The following ELP3 variants were observed in gnomAD, a reference collection of about 807,000 sequenced individuals.
ELP3 encodes elongator acetyltransferase complex subunit 3, also known as elongator complex protein 3.
Under a neutral mutation model 74.9 loss-of-function variants are expected in ELP3, and 56 were observed. That is an observed-to-expected ratio of 0.75 (90% confidence interval 0.60 to 0.93). ELP3 has a LOEUF of 0.93. ELP3 is among the 40% of genes least tolerant of loss of function. ELP3 has a pLI of 0.00. For missense variants in ELP3, 573 were observed against 686.5 expected, an observed-to-expected ratio of 0.83 and a Z score of 1.85; for synonymous variants, 222 against 239.8, an observed-to-expected ratio of 0.93 and a Z score of 0.68.
In ELP3 at chr8:28,183,772, G is replaced by A. The variant is rs372806298; in HGVS notation, c.1568-5877G>A. Reference sequence around the variant, plus strand: ...CTCTGTAGCAGGGCACCCTGAGGCCGCTGCATGGAGTGAGTTCCTGCACAT... The same window carrying A: ...CTCTGTAGCAGGGCACCCTGAGGCCACTGCATGGAGTGAGTTCCTGCACAT... On this transcript the variant is annotated intron_variant, in intron 14 of 14. Transcript: ENST00000256398. Among the ~76,000 whole-genome samples the A allele has an allele frequency of 7.2e-5, 11 of 152,330 alleles. No individual in the cohort carries two copies. The South Asian group carries it at 1.9e-3, about 26-fold the overall frequency.
At chr8:28,144,547 G>A (rs1042807451) in intron 10 of ELP3, among the ~76,000 whole-genome samples, 9 of 152,312 alleles carry the variant, frequency 5.9e-5, no homozygotes, top group Non-Finnish European at 1.2e-4. Flanking sequence ...TTGAGCCTGG[G>A]AGGTTGAGGC....
intron 10 of ELP3, among the ~76,000 whole-genome samples, chr8:28,143,897 A>G (rs1010422713): frequency 2.6e-5 from 4 of 152,224 alleles, no homozygotes; most frequent in African/African-American, 9.6e-5. Flanking sequence ...TGCTATGAAT[A>G]TTGATATGGC....
At chr8:28,180,552 C>G (rs1301814422) in intron 14 of ELP3, among the ~76,000 whole-genome samples, 1 of 152,228 alleles carries the variant, frequency 6.6e-6, no homozygotes. Context: ...GATGTCACAT[C>G]TGGAGTCTCT....
chr8:28,186,972 T>C (rs1180605093), intron 14 of ELP3, among the ~76,000 whole-genome samples: 1 of 152,170 alleles, frequency 6.6e-6, no homozygotes, highest in East Asian at 1.9e-4. Flanking sequence ...GTCTTCAGCA[T>C]CTTGGCATGA....
chr8:28,091,007 C>T (rs994920526), upstream of ELP3, among the ~76,000 whole-genome samples: 27 of 149,982 alleles, frequency 1.8e-4, no homozygotes, highest in Non-Finnish European at 2.5e-4. Context: ...CCCGGGTTCA[C>T]GCCATTCTCC....
chr8:28,114,649 C>T (rs758038608), intron 7 of ELP3, among the ~76,000 whole-genome samples: 5 of 152,198 alleles, frequency 3.3e-5, no homozygotes, highest in Non-Finnish European at 4.4e-5. Context: ...CCAGGCCACA[C>T]CTCCAATATT....
chr8:28,127,637 T>C (rs1340434935), intron 7 of ELP3, among the ~76,000 whole-genome samples: 1 of 152,196 alleles, frequency 6.6e-6, no homozygotes, highest in African/African-American at 2.4e-5. Context: ...TGTTACTGCG[T>C]GCCTTAGTAC....
Position 28,093,155 on chromosome 8 carries a change from C to A in ELP3, c.-60C>A. On this transcript the variant is annotated 5_prime_UTR_variant, in exon 1 of 15. Transcript: ENST00000256398. ...TTGTTTTGTGGCTGTCAGCTTTCCC[C>A]GTGGTCTGAGTTTGTGGCTGCATTT... The A allele has an allele frequency of 1.2e-6, 2 of 1,600,858 alleles. No homozygotes were observed. The highest frequency in any genetic ancestry group is 1.3e-5 in the African/African-American group (1 of 75,002).
Position 28,106,710 on chromosome 8 carries a change from T to C in ELP3, c.259-3T>C. The C allele has an allele frequency of 6.2e-7, 1 of 1,611,962 alleles. No homozygotes were observed. Among genetic ancestry groups the C allele is most frequent in the Non-Finnish European group, 8.5e-7 (1 of 1,178,804 alleles). On this transcript the variant is annotated splice_polypyrimidine_tract_variant and splice_region_variant and intron_variant, in intron 3 of 14. Coordinates refer to ENST00000256398, the MANE Select transcript of ELP3 (RefSeq NM_018091.6). ...AGCTTTTTTATTCATCTTTCTTTTA[T>C]AGATTGCTGTCGTGGCTGTGATGTG...
chr8:28,128,040 T>C (rs901540896), intron 7 of ELP3, among the ~76,000 whole-genome samples: 7 of 152,204 alleles, frequency 4.6e-5, no homozygotes, highest in Non-Finnish European at 8.8e-5. Flanking sequence ...TGATTTTTAC[T>C]TTTCAGTAAA....
At chr8:28,096,827 C>T (rs2130342866) in intron 1 of ELP3, among the ~76,000 whole-genome samples, 1 of 152,318 alleles carries the variant, frequency 6.6e-6, no homozygotes, top group African/African-American at 2.4e-5. Flanking sequence ...TCTAAATGTT[C>T]TTTATGAACT....
chr8:28,119,254 AAG>A (rs1292000132), intron 7 of ELP3, among the ~76,000 whole-genome samples: 1 of 152,132 alleles, frequency 6.6e-6, no homozygotes, highest in Non-Finnish European at 1.5e-5. Context: ...TAGTCACTTT[AAG>A]AGAGTTGATA....
At chr8:28,092,973 T>G (rs994246966), upstream of ELP3, 23 of 653,658 alleles carry the variant, frequency 3.5e-5, 1 homozygote, top group Middle Eastern at 1.5e-3. Flanking sequence ...GTTCCCATCC[T>G]CCATCCCTGA....
Position 28,101,951 on chromosome 8 carries a change from C to A in ELP3, c.258+1985C>A, listed in dbSNP as rs192335946. 1.2e-3 allele frequency among the ~76,000 whole-genome samples: 179 copies of A among 152,286 alleles called. 1 individual carries two copies. Among genetic ancestry groups the A allele is most frequent in the African/African-American group, 4.3e-3 (177 of 41,564 alleles). On this transcript the variant is annotated intron_variant, in intron 3 of 14. Transcript: ENST00000256398. Reference sequence around the variant, plus strand: ...ATTAAAGAAGACAGAAACTTAGCAACCTTTCAGCCTGACTGGCAAACCGAG... The same window carrying A: ...ATTAAAGAAGACAGAAACTTAGCAAACTTTCAGCCTGACTGGCAAACCGAG...
At chr8:28,104,423 C>T (rs1194768409) in intron 3 of ELP3, among the ~76,000 whole-genome samples, 1 of 152,180 alleles carries the variant, frequency 6.6e-6, no homozygotes, top group Non-Finnish European at 1.5e-5. Context: ...AACTTGGATA[C>T]ATTACTGTCA....
chr8:28,132,010 T>C (rs1433344888), intron 8 of ELP3, among the ~76,000 whole-genome samples: 1 of 152,174 alleles, frequency 6.6e-6, no homozygotes, highest in East Asian at 1.9e-4. Context: ...TTCAAGACTT[T>C]AAGTAGATGT....
chr8:28,101,817 T>C (rs1369395431), intron 3 of ELP3, among the ~76,000 whole-genome samples: 1 of 152,118 alleles, frequency 6.6e-6, no homozygotes, highest in Non-Finnish European at 1.5e-5. Flanking sequence ...CTCGAACTCT[T>C]GACCTGAGGT....
intron 14 of ELP3, among the ~76,000 whole-genome samples, chr8:28,169,790 C>T (rs1563285770): frequency 6.6e-6 from 1 of 152,190 alleles, no homozygotes. Context: ...CCATAATCAT[C>T]TCAAGAGTCC....
At position 28,093,210 on chromosome 8, in the gene ELP3, C is replaced by T. The variant is rs985677927; in HGVS notation, c.-5C>T. ...CTCTGGTGGCTCTGCTACGGCGGCG[C>T]AGAAATGAGGCAGAAGCGGAAAGGT... On this transcript the variant is annotated 5_prime_UTR_variant, in exon 1 of 15. Coordinates refer to ENST00000256398, the MANE Select transcript of ELP3 (RefSeq NM_018091.6). The T allele has an allele frequency of 1.2e-6, 2 of 1,612,926 alleles. No homozygotes were observed. The highest frequency in any genetic ancestry group is 1.7e-6 in the Non-Finnish European group (2 of 1,179,880).
Sources: allele counts gnomAD v4.1 joint callset (sites outside exome capture counted in the v4.1 genomes callset), GRCh38; gene constraint gnomAD v4.1.1; transcripts MANE v1.5; gene names NCBI Gene and HGNC (gene_info 2026-07-23, HGNC 2026-07-21).